Variants in MDGA2 observed in about 807,000 individuals in gnomAD.
MDGA2 encodes the protein MAM domain-containing glycosylphosphatidylinositol anchor protein 2.
MDGA2 carries 40 observed loss-of-function variants against 117.8 expected under a neutral mutation model. The observed-to-expected ratio is 0.34, with a 90% confidence interval of 0.26 to 0.44. MDGA2 has a LOEUF of 0.44. Among genes scored for constraint, MDGA2 ranks in the 20% least tolerant of loss-of-function variants. The pLI is 1.00. For missense variants in MDGA2, 1,123 were observed against 1,250.6 expected (o/e 0.90, Z 1.54); for synonymous variants, 452 against 439.0 (o/e 1.03, Z -0.37).
At chr14:46,904,416 G>T (rs185378829) in intron 10 of MDGA2, among the ~76,000 whole-genome samples, 1 of 150,652 alleles carries the variant, frequency 6.6e-6, no homozygotes, top group Non-Finnish European at 1.5e-5. Flanking sequence ...ATTATAATTC[G>T]TATGGCCATT....
intron 8 of MDGA2, among the ~76,000 whole-genome samples, chr14:46,965,024 C>T (rs1488983876): frequency 4.1e-5 from 5 of 121,596 alleles, no homozygotes; most frequent in African/African-American, 8.5e-5. Context: ...CCCGGGTTCA[C>T]GCCATTCTCC....
intron 3 of MDGA2, among the ~76,000 whole-genome samples, chr14:47,160,395 ACAAC>A (rs1327811676): frequency 6.6e-6 from 1 of 152,172 alleles, no homozygotes; most frequent in Non-Finnish European, 1.5e-5. Context: ...AAACAAACAA[ACAAC>A]AACAACAAAA....
intron 5 of MDGA2, among the ~76,000 whole-genome samples, chr14:47,125,570 G>GA (rs202214939): frequency 2.1e-4 from 30 of 144,554 alleles, no homozygotes; most frequent in African/African-American, 5.3e-4. Flanking sequence ...GAGACAAAAA[G>GA]AAAAAAAAAG....
At position 46,980,850 on chromosome 14, in the gene MDGA2, C is replaced by A. The variant is rs116508020; in HGVS notation, c.1820-23207G>T. Among the ~76,000 whole-genome samples, 510 of 151,392 alleles carry A rather than the reference C, an allele frequency of 3.4e-3. 5 individuals carry two copies. The highest frequency in any genetic ancestry group is 0.012 in the African/African-American group (482 of 40,738). On this transcript the variant is annotated intron_variant, in intron 8 of 16. Coordinates refer to ENST00000399232, the MANE Select transcript of MDGA2 (RefSeq NM_001113498.3). Reference sequence around the variant, plus strand: ...ATAATGCTATTGCACACTTAATAGACAACAATATAATGTAACTATAAATTT... The same window carrying A: ...ATAATGCTATTGCACACTTAATAGAAAACAATATAATGTAACTATAAATTT...
chr14:46,908,826 A>T (rs2138473658), intron 10 of MDGA2, among the ~76,000 whole-genome samples: 1 of 152,282 alleles, frequency 6.6e-6, no homozygotes, highest in East Asian at 1.9e-4. Context: ...AGTGTGCTTG[A>T]TTATTTGAAA....
intron 11 of MDGA2, among the ~76,000 whole-genome samples, chr14:46,880,257 G>A (rs568302009): frequency 1.2e-4 from 18 of 152,072 alleles, no homozygotes; most frequent in Middle Eastern, 3.4e-3. Context: ...CTCAAGAGGC[G>A]GAGGTTGCAG....
intron 1 of MDGA2, among the ~76,000 whole-genome samples, chr14:47,482,000 T>G (rs1049476641): frequency 6.6e-6 from 1 of 152,036 alleles, no homozygotes. Context: ...CACCGTGATA[T>G]AGAAGTCTTA....
intron 1 of MDGA2, among the ~76,000 whole-genome samples, chr14:47,510,264 T>A (rs1894610954): frequency 6.6e-6 from 1 of 152,062 alleles, no homozygotes; most frequent in African/African-American, 2.4e-5. Flanking sequence ...GAAACCATAT[T>A]AAAACCTTGA....
intron 9 of MDGA2, among the ~76,000 whole-genome samples, chr14:46,920,679 G>C (rs535638069): frequency 6.6e-6 from 1 of 152,184 alleles, no homozygotes; most frequent in Non-Finnish European, 1.5e-5. Flanking sequence ...AAGGTTAAGA[G>C]TTATGGGAGG....
At chr14:47,604,792 A>G (rs2138887764) in intron 1 of MDGA2, among the ~76,000 whole-genome samples, 2 of 152,268 alleles carry the variant, frequency 1.3e-5, no homozygotes, top group East Asian at 3.9e-4. Context: ...AAAAGACCTC[A>G]TTCTCAACCT....
chr14:47,148,824 T>C (rs1883049306), intron 3 of MDGA2, among the ~76,000 whole-genome samples: 1 of 152,232 alleles, frequency 6.6e-6, no homozygotes, highest in African/African-American at 2.4e-5. Flanking sequence ...GGCTTTTCAT[T>C]AGACAGCCAT....
chr14:46,929,623 A>T (rs1411226455), intron 9 of MDGA2, among the ~76,000 whole-genome samples: 276 of 24,432 alleles, frequency 0.011, 39 homozygotes, highest in Non-Finnish European at 0.017. Context: ...ATATATATAT[A>T]TATATATATA....
chr14:47,642,282 C>G (rs947253313), intron 1 of MDGA2, among the ~76,000 whole-genome samples: 1 of 152,054 alleles, frequency 6.6e-6, no homozygotes, highest in Non-Finnish European at 1.5e-5. Flanking sequence ...TGAGAATTAA[C>G]TGAATCAGTA....
chr14:47,144,160 C>A lies in MDGA2; in HGVS notation c.710G>T (p.Arg237Leu), dbSNP rs185459013. 3 of 1,551,102 alleles carry A rather than the reference C, an allele frequency of 1.9e-6. No individual in the cohort carries two copies. In the African/African-American group the frequency reaches 4.1e-5, roughly 21 times the overall value. ...RCVANSNPPV[R>L]YSWRRGQEVL... ...CTCCTGGCCACGTCTCCAGCTATACCGAACAGGAGGATTGGAATTGGCAAC... is the reference window on the plus strand; with the variant it reads ...CTCCTGGCCACGTCTCCAGCTATACAGAACAGGAGGATTGGAATTGGCAAC... Residue 237 changes from arginine (R) to leucine (L), a missense_variant, in exon 4 of 17, where the codon CGG (arginine) becomes CTG (leucine). Physicochemically the swap from Arg to Leu is moderately radical, Grantham distance 102 (BLOSUM62 -2). Transcript: ENST00000399232.
chr14:47,194,691 G>T (rs1885226332), intron 3 of MDGA2, among the ~76,000 whole-genome samples: 1 of 152,004 alleles, frequency 6.6e-6, no homozygotes, highest in Non-Finnish European at 1.5e-5. Context: ...ATGTCACAGA[G>T]ATATGATGCT....
At chr14:46,871,913 G>A (rs779861836) in intron 14 of MDGA2, 34 of 401,798 alleles carry the variant, frequency 8.5e-5, no homozygotes, top group South Asian at 3.0e-4. Context: ...TTTGAGAGGC[G>A]AAGGTGGGAA....
chr14:47,623,242 A>G (rs1897081927), intron 1 of MDGA2, among the ~76,000 whole-genome samples: 1 of 152,126 alleles, frequency 6.6e-6, no homozygotes, highest in African/African-American at 2.4e-5. Flanking sequence ...GGCCCTCACT[A>G]GATGCCAGCA....
chr14:47,272,645 C>A (rs912232726), intron 2 of MDGA2, among the ~76,000 whole-genome samples: 1 of 152,142 alleles, frequency 6.6e-6, no homozygotes, highest in Non-Finnish European at 1.5e-5. Flanking sequence ...AAAGGGAATA[C>A]AGATAATTTG....
chr14:46,859,730 T>A (rs1228911201), intron 14 of MDGA2, among the ~76,000 whole-genome samples: 2 of 152,186 alleles, frequency 1.3e-5, no homozygotes, highest in East Asian at 3.9e-4. Flanking sequence ...TTATCTGATA[T>A]CATTTACTAC....
Sources: allele counts gnomAD v4.1 joint callset (sites outside exome capture counted in the v4.1 genomes callset), GRCh38; gene constraint gnomAD v4.1.1; transcripts MANE v1.5; gene names NCBI Gene and HGNC (gene_info 2026-07-23, HGNC 2026-07-21).